KLHDC7B: variants seen among roughly 807,000 people sequenced by gnomAD.
KLHDC7B encodes kelch domain containing 7B.
A neutral mutation model predicts 0.6 loss-of-function variants in KLHDC7B; 1 was observed. The ratio of observed to expected loss-of-function variants is 1.71; its 90% confidence interval spans 0.61 to 8.11. The LOEUF (loss-of-function observed/expected upper bound fraction) is 8.11, where lower values mean the gene tolerates loss of function less well. KLHDC7B is among the 30% of genes most tolerant of loss of function. The pLI is 0.13. For synonymous variants in KLHDC7B, 462 were observed against 405.2 expected (o/e 1.14, Z -1.68); for missense variants, 993 against 894.9 (o/e 1.11, Z -1.40).
Position 50,546,019 on chromosome 22 carries a change from T to C in KLHDC7B, c.-225T>C, listed in dbSNP as rs2069725276. On this transcript the variant is annotated 5_prime_UTR_variant, in exon 1 of 1. Transcript: ENST00000648057. ...GGTGCTTGCAGAGACCCTGGGCTCC[T>C]ATCCTGCCATAAGCCTCGCTGTCTC... 6.6e-6 allele frequency among the ~76,000 whole-genome samples: 1 copy of C among 152,092 alleles called. No individual in the cohort carries two copies. Among genetic ancestry groups the C allele is most frequent in the African/African-American group, 2.4e-5 (1 of 41,424 alleles).
chr22:50,549,742 CTG>C lies in KLHDC7B; in HGVS notation c.1577_1578del (p.Leu526ProfsTer61). 1 of 1,589,248 alleles carries C rather than the reference CTG, an allele frequency of 6.3e-7. No individual in the cohort carries two copies. Among genetic ancestry groups the C allele is most frequent in the Non-Finnish European group, 8.5e-7 (1 of 1,169,800 alleles). On this transcript the variant is annotated frameshift_variant, in exon 1 of 1. Transcript: ENST00000395676. LOFTEE classifies it low-confidence loss of function (END_TRUNC). ...CTGGAGCAGGGCTGCCTCCCTGCCC[CTG>C]CCCGCCCCCGCCCCACTGCACTGCA...
rs930211113 is a variant in KLHDC7B at position 50,548,244 on chromosome 22, C to T, written c.2001C>T (p.Pro667=). 1.9e-6 allele frequency: 3 copies of T among 1,550,786 alleles called. No individual in the cohort carries two copies. The highest frequency in any genetic ancestry group is 2.7e-5 in the African/African-American group (2 of 73,122). ...GSVPRAVPGS[P]VGPSTSTHSE... is the part of the protein sequence containing the mutation. ...TCCCGAGGGCGGTTCCCGGGAGCCC[C>T]GTGGGTCCCAGCACTTCCACACACT... Residue 667 remains proline (P), a synonymous_variant, in exon 1 of 1, where the codon CCC becomes CCT. Transcript: ENST00000648057. The surrounding 1 kb of genome is among the most constrained non-coding windows in gnomAD (Gnocchi z 5.3).
Position 50,549,240 on chromosome 22 carries a change from G to A in KLHDC7B, c.2997G>A (p.Leu999=). ...GLCTMHNYLF[L]AGGIRGSGAK... ...GCACCATGCACAACTACCTGTTTCT[G>A]GCGGGGGGCATCCGTGGCTCCGGTG... is the stretch of plus-strand genomic sequence containing the variant. The change falls in exon 1 of 1, where the codon CTG becomes CTA. Residue 999 remains leucine, a synonymous_variant. Coordinates refer to ENST00000648057, the MANE Select transcript of KLHDC7B (RefSeq NM_138433.5). 1 of 1,609,726 alleles carries A rather than the reference G, an allele frequency of 6.2e-7. No individual in the cohort carries two copies. Among genetic ancestry groups the A allele is most frequent in the Non-Finnish European group, 8.5e-7 (1 of 1,179,938 alleles).
chr22:50,549,538 C>T lies in KLHDC7B; in HGVS notation c.3295C>T (p.His1099Tyr), dbSNP rs1013097409. 4 of 1,604,578 alleles carry T rather than the reference C, an allele frequency of 2.5e-6. No individual in the cohort carries two copies. Among genetic ancestry groups the T allele is most frequent in the Non-Finnish European group, 3.4e-6 (4 of 1,174,466 alleles). Reference protein sequence around the residue: ...CRGDIYVTGGHLFYRLLRYSP... With the variant: ...CRGDIYVTGGYLFYRLLRYSP... The stretch of plus-strand genomic sequence containing the variant: ...TGGGGACATCTACGTCACCGGGGGT[C>T]ACCTCTTCTACCGCCTGCTCAGGTA... Residue 1099 changes from histidine (H) to tyrosine (Y), a missense_variant, in exon 1 of 1, where the codon CAC (histidine) becomes TAC (tyrosine). Transcript: ENST00000648057.
At position 50,549,847 on chromosome 22, in the gene KLHDC7B, T is replaced by C; in HGVS notation, c.3604T>C (p.Phe1202Leu). Reference protein sequence around the residue: ...TFTVSGGTAQFQAKELQPFPL... With the variant: ...TFTVSGGTAQLQAKELQPFPL... ...CACGGTCTCTGGGGGGACTGCCCAG[T>C]TCCAGGCCAAGGAGCTGCAGCCCTT... is the stretch of plus-strand genomic sequence containing the variant. The change falls in exon 1 of 1, where the codon TTC (phenylalanine) becomes CTC (leucine). Residue 1202 changes from phenylalanine (F) to leucine (L), a missense_variant. By Grantham distance (22) the Phe-to-Leu change is conservative (BLOSUM62 0). Transcript: ENST00000648057. 1 of 1,584,170 alleles carries C rather than the reference T, an allele frequency of 6.3e-7. No individual in the cohort carries two copies. The highest frequency in any genetic ancestry group is 8.6e-7 in the Non-Finnish European group (1 of 1,164,716).
chr22:50,550,032 G>A lies in KLHDC7B; in HGVS notation c.*81G>A. 7.4e-7 allele frequency: 1 copy of A among 1,360,424 alleles called. No individual in the cohort carries two copies. The highest frequency in any genetic ancestry group is 9.8e-7 in the Non-Finnish European group (1 of 1,021,888). 84.3% of individuals were successfully genotyped at this position (1,360,424 alleles called of 1,614,324 possible). On this transcript the variant is annotated 3_prime_UTR_variant, in exon 1 of 1. Coordinates refer to ENST00000648057, the MANE Select transcript of KLHDC7B (RefSeq NM_138433.5). ...ATGGGCCTGAGAGGCCGGGGCTCAG[G>A]GAAGGGGCTGGGATCGGAACTTCCT...
Position 50,549,936 on chromosome 22 carries a change from G to C in KLHDC7B, c.3693G>C (p.Leu1231=). The C allele has an allele frequency of 6.4e-7, 1 of 1,567,564 alleles. No individual in the cohort carries two copies. Among genetic ancestry groups the C allele is most frequent in the South Asian group, 1.2e-5 (1 of 85,656 alleles). ...TGACTCTGCCCCCTGAGGACCGGCT[G>C]CAGACCTCACTCTGAGTGGCAGGCA... is the stretch of plus-strand genomic sequence containing the variant. ...FILTLPPEDR[L]QTSL Residue 1231 remains leucine (L), a synonymous_variant, in exon 1 of 1, where the codon CTG becomes CTC. Coordinates refer to ENST00000648057, the MANE Select transcript of KLHDC7B (RefSeq NM_138433.5).
chr22:50,548,510 C>A lies in KLHDC7B; in HGVS notation c.2267C>A (p.Pro756His), dbSNP rs747124532. Residue 756 changes from proline (P) to histidine (H), a missense_variant, in exon 1 of 1, where the codon CCC becomes CAC. Pro to His is a moderately conservative substitution (Grantham distance 77). Coordinates refer to ENST00000648057, the MANE Select transcript of KLHDC7B (RefSeq NM_138433.5). This position sits in a 1 kb window ranked among gnomAD's most constrained non-coding sequence, Gnocchi z 5.3. ...CCCCCCGCGCAGAGGCCGCCTGGCC[C>A]CGCGGCCTCCTCCTCTGCGAGGCGC... ...AQPPAQRPPGPAASSSARRSQ... is the reference protein window; with the variant it reads ...AQPPAQRPPGHAASSSARRSQ... 4.8e-5 allele frequency: 74 copies of A among 1,556,030 alleles called. No individual in the cohort carries two copies. Among genetic ancestry groups the A allele is most frequent in the Non-Finnish European group, 6.0e-5 (69 of 1,150,094 alleles).
rs909983875 is a variant in KLHDC7B, at chr22:50,546,579, G to A, written c.336G>A (p.Pro112=). The A allele has an allele frequency of 2.8e-5, 11 of 398,102 alleles. No individual in the cohort carries two copies. The highest frequency in any genetic ancestry group is 1.3e-4 in the Admixed American group (3 of 22,690). 24.7% of individuals were successfully genotyped at this position (398,102 alleles called of 1,614,324 possible). The change falls in exon 1 of 1, where the codon CCG becomes CCA. Residue 112 remains proline, a synonymous_variant. Coordinates refer to ENST00000648057, the MANE Select transcript of KLHDC7B (RefSeq NM_138433.5). ...AGAGCCCTGTCCCTGCTGCAGCGCC[G>A]GGCGGGGGCCTGGCCGCCATGGCCC... The part of the protein sequence containing the change: ...GQQSPVPAAA[P]GGGLAAMARL...
rs2069736436 is a variant in KLHDC7B, at chr22:50,546,952, G to A, written c.709G>A (p.Gly237Ser). The stretch of plus-strand genomic sequence containing the variant: ...GGGCCGGCGGCGGCGGATGGACGCT[G>A]GCTCGGGAGACAGAGCCCGCCGCCC... ...GRGRRRRMDA[G>S]SGDRARRPRK... The change falls in exon 1 of 1, where the codon GGC becomes AGC. Residue 237 changes from glycine (G) to serine (S), a missense_variant. Physicochemically the swap from Gly to Ser is moderately conservative, Grantham distance 56 (BLOSUM62 0). Coordinates refer to ENST00000648057, the MANE Select transcript of KLHDC7B (RefSeq NM_138433.5). Among the ~76,000 whole-genome samples, 1 of 151,598 alleles carries A rather than the reference G, an allele frequency of 6.6e-6. No homozygotes were observed. The highest frequency in any genetic ancestry group is 2.1e-4 in the South Asian group (1 of 4,828).
In KLHDC7B at chr22:50,547,191, C is replaced by T. The variant is rs926528410; in HGVS notation, c.948C>T (p.Ala316=). The change falls in exon 1 of 1, where the codon GCC becomes GCT. Residue 316 remains alanine (A), a synonymous_variant. Coordinates refer to ENST00000648057, the MANE Select transcript of KLHDC7B (RefSeq NM_138433.5). ...SGAKGGWSRE[A]SGVPAPGGGW... ...CCAAGGGTGGCTGGAGCAGGGAGGC[C>T]TCGGGGGTCCCTGCCCCCGGAGGAG... is the stretch of plus-strand genomic sequence containing the variant. Among the ~76,000 whole-genome samples the T allele has an allele frequency of 2.0e-5, 3 of 151,860 alleles. No individual in the cohort carries two copies. Among genetic ancestry groups the T allele is most frequent in the Non-Finnish European group, 2.9e-5 (2 of 67,878 alleles).
In KLHDC7B at chr22:50,548,564, G is replaced by T. The variant is rs774181677; in HGVS notation, c.2321G>T (p.Arg774Leu). 6.8e-5 allele frequency: 105 copies of T among 1,548,450 alleles called. 1 individual carries two copies. The African/African-American group carries it at 1.1e-3, about 16-fold the overall frequency. The change falls in exon 1 of 1, where the codon CGC becomes CTC. Residue 774 changes from arginine (R) to leucine (L), a missense_variant. Transcript: ENST00000648057. This position sits in a 1 kb window ranked among gnomAD's most constrained non-coding sequence, Gnocchi z 5.3. ...RSQPVPQLRK[R>L]SRCEIAPSSE... ...CAGCCGGTACCCCAGCTACGGAAACGCAGCAGGTGCGAAATCGCCCCGAGC... is the reference window on the plus strand; with the variant it reads ...CAGCCGGTACCCCAGCTACGGAAACTCAGCAGGTGCGAAATCGCCCCGAGC...
rs145813502 is a variant in KLHDC7B, at chr22:50,549,745, C to T, written c.3502C>T (p.Pro1168Ser). The T allele has an allele frequency of 1.0e-5, 11 of 1,084,858 alleles. No homozygotes were observed. Among genetic ancestry groups the T allele is most frequent in the Admixed American group, 2.1e-5 (1 of 47,866 alleles). The allele number at this position is 1,084,858 out of a possible 1,614,324, so 67.2% of individuals were successfully genotyped here. A position where few individuals can be genotyped will look rare whatever the true frequency, so the allele number is the denominator to read the frequency against. Residue 1168 changes from proline (P) to serine (S), a missense_variant, in exon 1 of 1, where the codon CCC becomes TCC. Coordinates refer to ENST00000648057, the MANE Select transcript of KLHDC7B (RefSeq NM_138433.5). ...GAGCAGGGCTGCCTCCCTGCCCCTG[C>T]CCGCCCCCGCCCCACTGCACTGCAC... ...SWSRAASLPL[P>S]APAPLHCTTL...
chr22:50,550,556 C>A lies in KLHDC7B; in HGVS notation c.*605C>A. On this transcript the variant is annotated 3_prime_UTR_variant, in exon 1 of 1. Transcript: ENST00000648057. Reference sequence around the variant, plus strand: ...TGCAGCTCCTGCCCATACCCCCAGCCCACACCAGGCCAGGCCCACTCCGGG... The same window carrying A: ...TGCAGCTCCTGCCCATACCCCCAGCACACACCAGGCCAGGCCCACTCCGGG... 6.0e-6 allele frequency: 1 copy of A among 166,758 alleles called. No individual in the cohort carries two copies. Among genetic ancestry groups the A allele is most frequent in the Non-Finnish European group, 1.4e-5 (1 of 68,986 alleles). The allele number at this position is 166,758 out of a possible 1,614,324, so 10.3% of individuals were successfully genotyped here. A position where few individuals can be genotyped will look rare whatever the true frequency, so the allele number is the denominator to read the frequency against.
Position 50,546,307 on chromosome 22 carries a change from G to T in KLHDC7B, c.64G>T (p.Asp22Tyr). 2.5e-6 allele frequency: 1 copy of T among 398,826 alleles called. No individual in the cohort carries two copies. The highest frequency in any genetic ancestry group is 1.3e-4 in the South Asian group (1 of 7,538). 24.7% of individuals were successfully genotyped at this position (398,826 alleles called of 1,614,324 possible). A position where few individuals can be genotyped will look rare whatever the true frequency, so the allele number is the denominator to read the frequency against. Residue 22 changes from aspartate to tyrosine, a missense_variant, in exon 1 of 1, where the codon GAC (aspartate) becomes TAC (tyrosine). Physicochemically the swap from Asp to Tyr is radical, Grantham distance 160. Coordinates refer to ENST00000648057, the MANE Select transcript of KLHDC7B (RefSeq NM_138433.5). Reference protein sequence around the residue: ...LWGWDWDSDNDWDSAVLALLA... With the variant: ...LWGWDWDSDNYWDSAVLALLA... ...GGGCTGGGACTGGGACAGTGACAAT[G>T]ACTGGGATAGTGCTGTGCTGGCCCT...
Position 50,550,073 on chromosome 22 carries a change from C to T in KLHDC7B, c.*122C>T. The T allele has an allele frequency of 9.5e-7, 1 of 1,050,142 alleles. No individual in the cohort carries two copies. Among genetic ancestry groups the T allele is most frequent in the Non-Finnish European group, 1.3e-6 (1 of 745,556 alleles). The allele number at this position is 1,050,142 out of a possible 1,614,324, so 65.1% of individuals were successfully genotyped here. ...GGAACTTCCTGCTCTTGTTTCTGGA[C>T]AACTTTCCCCTTCTGCTTTAAAGGT... On this transcript the variant is annotated 3_prime_UTR_variant, in exon 1 of 1. Transcript: ENST00000648057.
At position 50,549,371 on chromosome 22, in the gene KLHDC7B, C is replaced by T; in HGVS notation, c.3128C>T (p.Ala1043Val). Reference protein sequence around the residue: ...QQARAQLKLVALDGLLYAIGG... With the variant: ...QQARAQLKLVVLDGLLYAIGG... ...GCCCGAGCCCAGCTCAAGCTGGTGG[C>T]CCTGGACGGGCTGCTCTATGCCATC... The change falls in exon 1 of 1, where the codon GCC (alanine) becomes GTC (valine). Residue 1043 changes from alanine to valine, a missense_variant. Coordinates refer to ENST00000648057, the MANE Select transcript of KLHDC7B (RefSeq NM_138433.5). 1 of 1,612,842 alleles carries T rather than the reference C, an allele frequency of 6.2e-7. No individual in the cohort carries two copies. The highest frequency in any genetic ancestry group is 8.5e-7 in the Non-Finnish European group (1 of 1,179,930).
chr22:50,549,228 CT>C lies in KLHDC7B; in HGVS notation c.1063del (p.Tyr355ThrfsTer27). On this transcript the variant is annotated frameshift_variant, in exon 1 of 1. Transcript: ENST00000395676. LOFTEE classifies it low-confidence loss of function (END_TRUNC). The stretch of plus-strand genomic sequence containing the variant: ...GCTGCGGTCTCTGCACCATGCACAA[CT>C]ACCTGTTTCTGGCGGGGGGCATCCG... The C allele has an allele frequency of 1.9e-6, 3 of 1,609,072 alleles. No individual in the cohort carries two copies. Among genetic ancestry groups the C allele is most frequent in the Non-Finnish European group, 2.5e-6 (3 of 1,179,944 alleles).
Position 50,549,968 on chromosome 22 carries a change from C to A in KLHDC7B, c.*17C>A. 1.3e-6 allele frequency: 2 copies of A among 1,521,346 alleles called. No homozygotes were observed. Among genetic ancestry groups the A allele is most frequent in the South Asian group, 1.3e-5 (1 of 79,006 alleles). 94.2% of individuals were successfully genotyped at this position (1,521,346 alleles called of 1,614,324 possible). On this transcript the variant is annotated 3_prime_UTR_variant, in exon 1 of 1. Coordinates refer to ENST00000648057, the MANE Select transcript of KLHDC7B (RefSeq NM_138433.5). ...TCACTCTGAGTGGCAGGCAGAGAACCAAAGCTGCTTCGCTGCTCTCCAGGG... is the reference window on the plus strand; with the variant it reads ...TCACTCTGAGTGGCAGGCAGAGAACAAAAGCTGCTTCGCTGCTCTCCAGGG...
Sources: gnomAD v4.1 joint callset for allele counts (sites outside exome capture counted in the v4.1 genomes callset) on GRCh38, gnomAD v4.1.1 for gene constraint, Gnocchi (gnomAD v3.1) non-coding constraint, MANE v1.5 for transcripts, NCBI Gene and HGNC (gene_info 2026-07-23, HGNC 2026-07-21) for gene names.